NPSR1: variants seen among roughly 807,000 people sequenced by gnomAD.
NPSR1 encodes the protein neuropeptide S receptor.
A neutral mutation model predicts 46.9 loss-of-function variants in NPSR1; 48 were observed. The ratio of observed to expected loss-of-function variants is 1.02; its 90% CI spans 0.81 to 1.30. The LOEUF (loss-of-function observed/expected upper bound fraction) is 1.30, where lower values mean the gene tolerates loss of function less well. NPSR1 is among the 50% of genes most tolerant of loss of function. The pLI is 0.00. For synonymous variants in NPSR1, 176 were observed against 168.1 expected (o/e 1.05, Z -0.36); for missense variants, 450 against 449.5 (o/e 1.00, Z -0.01).
At chr7:34,821,406 A>G (rs976606302) in intron 4 of NPSR1, among the ~76,000 whole-genome samples, 1 of 152,134 alleles carries the variant, frequency 6.6e-6, no homozygotes, top group African/African-American at 2.4e-5. Flanking sequence ...GATTATAGGC[A>G]TGAGACACTG....
In NPSR1 at chr7:34,877,651, G is replaced by A. The variant is rs7805675; in HGVS notation, c.1026-425G>A. On this transcript the variant is annotated intron_variant, in intron 8 of 8. Transcript: ENST00000359791. ...CAGTTGGCTGAGAGGCGGCCGTCAG[G>A]GTAGAATTGGTGACAGATATGGAAG... is the stretch of plus-strand genomic sequence containing the variant. Among the ~76,000 whole-genome samples, 9 of 152,082 alleles carry A rather than the reference G, an allele frequency of 5.9e-5. No individual in the cohort carries two copies. The East Asian group carries it at 1.7e-3, about 29-fold the overall frequency.
intron 2 of NPSR1, among the ~76,000 whole-genome samples, chr7:34,708,307 G>A (rs1419185890): frequency 2.0e-5 from 3 of 152,158 alleles, no homozygotes; most frequent in Non-Finnish European, 4.4e-5. Flanking sequence ...CTGTGCATGT[G>A]CCTCACTGAC....
At chr7:34,868,577 T>G (rs12531717) in intron 8 of NPSR1, among the ~76,000 whole-genome samples, 12,896 of 151,396 alleles carry the variant, frequency 0.085, 1,716 homozygotes, top group African/African-American at 0.26. Context: ...AGCAGACATG[T>G]CAGGGTGAAC....
rs138763505 is a variant in NPSR1 at position 34,726,249 on chromosome 7, A to C, written c.280+41565A>C. 3.4e-3 allele frequency among the ~76,000 whole-genome samples: 521 copies of C among 152,340 alleles called. 4 individuals carry two copies. Among genetic ancestry groups the C allele is most frequent in the Non-Finnish European group, 5.1e-3 (345 of 68,036 alleles). On this transcript the variant is annotated intron_variant, in intron 2 of 8. Transcript: ENST00000360581. Reference sequence around the variant, plus strand: ...AAAGATACACAGATGGCAAATGAACATATGAAAAGATGCTCCACATCATAT... The same window carrying C: ...AAAGATACACAGATGGCAAATGAACCTATGAAAAGATGCTCCACATCATAT...
At chr7:34,743,982 T>C (rs1468938462) in intron 2 of NPSR1, among the ~76,000 whole-genome samples, 1 of 152,204 alleles carries the variant, frequency 6.6e-6, no homozygotes, top group African/African-American at 2.4e-5. Flanking sequence ...TTAGTTTGTA[T>C]GTTTACATTA....
At chr7:34,759,928 A>C (rs905798473) in intron 2 of NPSR1, among the ~76,000 whole-genome samples, 1 of 152,202 alleles carries the variant, frequency 6.6e-6, no homozygotes, top group African/African-American at 2.4e-5. Context: ...GTTAATAAAT[A>C]GTGGCCCAAT....
At chr7:34,829,131 T>C (rs1440768264) in intron 5 of NPSR1, among the ~76,000 whole-genome samples, 1 of 152,184 alleles carries the variant, frequency 6.6e-6, no homozygotes, top group Non-Finnish European at 1.5e-5. Flanking sequence ...GGGAGAAACG[T>C]TATCCATCAT....
At chr7:34,843,263 C>T (rs1790634662) in intron 6 of NPSR1, among the ~76,000 whole-genome samples, 1 of 152,164 alleles carries the variant, frequency 6.6e-6, no homozygotes, top group South Asian at 2.1e-4. Flanking sequence ...GCTGGGAAAT[C>T]CAAGAGCAGG....
At position 34,827,532 on chromosome 7, in the gene NPSR1, G is replaced by C. The variant is rs375118842; in HGVS notation, c.610G>C (p.Asp204His). 1.9e-6 allele frequency: 3 copies of C among 1,608,958 alleles called. No homozygotes were observed. Among genetic ancestry groups the C allele is most frequent in the Non-Finnish European group, 2.5e-6 (3 of 1,177,474 alleles). ...EVQCWALWPD[D>H]SYWTPYMTIV... ...GCAGTGCTGGGCCCTGTGGCCTGAC[G>C]ACTCCTACTGGACCCCATACATGAC... Residue 204 changes from aspartate to histidine, a missense_variant, in exon 5 of 9, where the codon GAC becomes CAC. Coordinates refer to ENST00000360581, the MANE Select transcript of NPSR1 (RefSeq NM_207172.2).
intron 7 of NPSR1, among the ~76,000 whole-genome samples, chr7:34,846,961 C>T (rs899076380): frequency 6.6e-6 from 1 of 152,128 alleles, no homozygotes; most frequent in Non-Finnish European, 1.5e-5. Context: ...AACTTGAATC[C>T]TCCAACCCAA....
At chr7:34,771,993 C>T (rs968106619) in intron 2 of NPSR1, among the ~76,000 whole-genome samples, 1 of 152,186 alleles carries the variant, frequency 6.6e-6, no homozygotes, top group Non-Finnish European at 1.5e-5. Flanking sequence ...TAGGATGTCA[C>T]CATTGGGGGA....
At chr7:34,694,796 ACCT>A (rs1793433876) in intron 2 of NPSR1, among the ~76,000 whole-genome samples, 2 of 151,964 alleles carry the variant, frequency 1.3e-5, no homozygotes, top group South Asian at 4.1e-4. Flanking sequence ...TGCAACCTAC[ACCT>A]CCTGGGTTCA....
rs552740143 is a variant in NPSR1, at chr7:34,827,675, C to A, written c.680+73C>A. The A allele has an allele frequency of 4.2e-6, 4 of 947,654 alleles. No homozygotes were observed. The Admixed American group carries it at 5.7e-5, about 14-fold the overall frequency. 58.7% of individuals were successfully genotyped at this position (947,654 alleles called of 1,614,324 possible). A position where few individuals can be genotyped will look rare whatever the true frequency, so the allele number is the denominator to read the frequency against. On this transcript the variant is annotated intron_variant, in intron 5 of 8. Transcript: ENST00000360581. ...GGCTTTCCTGTTTCTCCAGCTGTTG[C>A]TCTCCTCCCCAACAGACCCATTTTT...
chr7:34,728,181 C>T (rs896913104), intron 2 of NPSR1, among the ~76,000 whole-genome samples: 1 of 151,904 alleles, frequency 6.6e-6, no homozygotes, highest in East Asian at 1.9e-4. Flanking sequence ...CACCCATTAA[C>T]TCGTCATTTA....
At chr7:34,688,925 C>A (rs1479758739) in intron 2 of NPSR1, among the ~76,000 whole-genome samples, 1 of 152,180 alleles carries the variant, frequency 6.6e-6, no homozygotes, top group Non-Finnish European at 1.5e-5. Flanking sequence ...TTTGAAGCAC[C>A]AACTCTTCTA....
intron 2 of NPSR1, chr7:34,704,130 T>G (rs1281257154): frequency 6.6e-6 from 1 of 151,822 alleles, no homozygotes; most frequent in African/African-American, 2.4e-5. Flanking sequence ...AGGCCAGGAG[T>G]GTTGAGGCGT....
chr7:34,727,849 A>G (rs964789163), intron 2 of NPSR1, among the ~76,000 whole-genome samples: 4 of 152,166 alleles, frequency 2.6e-5, no homozygotes, highest in African/African-American at 7.2e-5. Flanking sequence ...AATTGAGCCT[A>G]TGTGAGTGTA....
chr7:34,708,883 A>G (rs953510988), intron 2 of NPSR1, among the ~76,000 whole-genome samples: 3 of 152,144 alleles, frequency 2.0e-5, no homozygotes, highest in Non-Finnish European at 4.4e-5. Context: ...AGTAAACTTC[A>G]GGACCTTTAA....
chr7:34,684,765 A>T, intron 2 of NPSR1, 81 bp downstream of exon 2: 1 of 1,217,010 alleles, frequency 8.2e-7, no homozygotes, highest in South Asian at 1.8e-5. Flanking sequence ...TTTTATCAAA[A>T]AAAAAAAAAT....
Sources: allele counts gnomAD v4.1 joint callset (sites outside exome capture counted in the v4.1 genomes callset), GRCh38; gene constraint gnomAD v4.1.1; transcripts MANE v1.5; gene names NCBI Gene and HGNC (gene_info 2026-07-23, HGNC 2026-07-21).